Variants in TAF4B observed in about 807,000 individuals in gnomAD.
The protein encoded by TAF4B is transcription initiation factor TFIID subunit 4B.
TAF4B carries 38 observed loss-of-function variants against 86.4 expected under a neutral mutation model. The observed-to-expected ratio is 0.44, with a 90% CI of 0.34 to 0.58. The LOEUF (loss-of-function observed/expected upper bound fraction) is 0.58, where lower values mean the gene tolerates loss of function less well. TAF4B is among the 20% of genes least tolerant of loss of function. The probability of loss-of-function intolerance (pLI) is 0.02; values close to 1 mark genes in which losing one functional copy is unlikely to be tolerated. For missense variants in TAF4B, 988 were observed against 1,027.6 expected (o/e 0.96, Z 0.53); for synonymous variants, 388 against 391.2 (o/e 0.99, Z 0.10).
intron 14 of TAF4B, among the ~76,000 whole-genome samples, chr18:26,376,888 A>G (rs894920023): frequency 1.3e-5 from 2 of 152,050 alleles, no homozygotes; most frequent in Non-Finnish European, 2.9e-5. Flanking sequence ...TTATCATGAA[A>G]GAATGTTAGG....
intron 1 of TAF4B, among the ~76,000 whole-genome samples, chr18:26,255,496 G>C (rs1285939493): frequency 1.3e-5 from 2 of 151,212 alleles, no homozygotes; most frequent in Admixed American, 1.3e-4. Flanking sequence ...CCAGCTACTT[G>C]GGAGGCTGAG....
chr18:26,252,810 T>C (rs1213406295), intron 1 of TAF4B, among the ~76,000 whole-genome samples: 8 of 150,090 alleles, frequency 5.3e-5, no homozygotes, highest in African/African-American at 1.9e-4. Context: ...TTTATTATTT[T>C]ATTAGTTATT....
chr18:26,350,092 A>T (rs1181549980), intron 13 of TAF4B, among the ~76,000 whole-genome samples: 1 of 152,240 alleles, frequency 6.6e-6, no homozygotes, highest in Admixed American at 6.5e-5. Flanking sequence ...AAAACCTGAA[A>T]CTATAAAGCT....
At chr18:26,243,359 C>T (rs2055871092) in intron 1 of TAF4B, among the ~76,000 whole-genome samples, 1 of 152,154 alleles carries the variant, frequency 6.6e-6, no homozygotes, top group Non-Finnish European at 1.5e-5. Flanking sequence ...GATACCCTTT[C>T]TTCCAGTTGA....
At chr18:26,371,985 A>G (rs895842246) in intron 14 of TAF4B, among the ~76,000 whole-genome samples, 8 of 152,158 alleles carry the variant, frequency 5.3e-5, no homozygotes, top group East Asian at 1.9e-4. Context: ...CTGGGGCTCA[A>G]TGTATAGGAA....
intron 6 of TAF4B, among the ~76,000 whole-genome samples, chr18:26,285,210 C>CTTTCCTTTTTTT (rs2056496143): frequency 4.7e-5 from 2 of 42,516 alleles, no homozygotes; most frequent in African/African-American, 1.6e-4. Context: ...TCTTCCTTTC[C>CTTTCCTTTTTTT]TTTTTTTTTT....
At chr18:26,264,157 A>C (rs969750553) in intron 1 of TAF4B, among the ~76,000 whole-genome samples, 18 of 152,140 alleles carry the variant, frequency 1.2e-4, no homozygotes, top group African/African-American at 4.3e-4. Flanking sequence ...ATTATTTGTC[A>C]GCCGGGTGCA....
At chr18:26,251,178 G>T (rs1032859220) in intron 1 of TAF4B, among the ~76,000 whole-genome samples, 1 of 152,118 alleles carries the variant, frequency 6.6e-6, no homozygotes, top group Admixed American at 6.5e-5. Flanking sequence ...TGGGAGGCAC[G>T]TTTGGTTCCA....
intron 1 of TAF4B, among the ~76,000 whole-genome samples, chr18:26,238,404 G>A (rs56201555): frequency 0.014 from 2,204 of 152,110 alleles, 31 homozygotes; most frequent in Admixed American, 0.034. Flanking sequence ...TCCTAGCTTC[G>A]GGAATAGCCT....
intron 9 of TAF4B, among the ~76,000 whole-genome samples, chr18:26,300,453 G>A (rs2056718134): frequency 7.3e-6 from 1 of 136,780 alleles, no homozygotes; most frequent in East Asian, 2.2e-4. Flanking sequence ...GCACCCAACT[G>A]ATTATAGGGT....
chr18:26,229,614 C>T (rs944444589), intron 1 of TAF4B, among the ~76,000 whole-genome samples: 15 of 151,384 alleles, frequency 9.9e-5, no homozygotes, highest in African/African-American at 2.7e-4. Context: ...GCAATTCTCC[C>T]GTCTCAGCCT....
chr18:26,389,110 C>T (rs1474900911), intron 14 of TAF4B, among the ~76,000 whole-genome samples: 1 of 19,006 alleles, frequency 5.3e-5, no homozygotes, highest in Non-Finnish European at 3.5e-4. Context: ...CTGTGCCCAA[C>T]CAGAGCTTAC....
chr18:26,288,294 G>T (rs1044669303), intron 7 of TAF4B, among the ~76,000 whole-genome samples: 2 of 152,122 alleles, frequency 1.3e-5, no homozygotes, highest in Non-Finnish European at 2.9e-5. Context: ...TGATAAAAAG[G>T]TAGGGAGAAA....
intron 13 of TAF4B, among the ~76,000 whole-genome samples, chr18:26,344,697 C>T (rs1598814188): frequency 6.6e-6 from 1 of 152,182 alleles, no homozygotes; most frequent in Non-Finnish European, 1.5e-5. Flanking sequence ...GATTTGAGGA[C>T]TGACATTGGC....
intron 10 of TAF4B, among the ~76,000 whole-genome samples, chr18:26,316,149 G>A (rs1388169911): frequency 6.6e-6 from 1 of 152,046 alleles, no homozygotes; most frequent in Non-Finnish European, 1.5e-5. Flanking sequence ...CTTCACCTAT[G>A]TCAAATTTTT....
chr18:26,326,052 T>C (rs1005384044), intron 11 of TAF4B, among the ~76,000 whole-genome samples: 1 of 152,222 alleles, frequency 6.6e-6, no homozygotes, highest in South Asian at 2.1e-4. Context: ...GCACTGACTG[T>C]TGTTTAAAGA....
At chr18:26,317,844 C>A (rs569310392) in intron 10 of TAF4B, among the ~76,000 whole-genome samples, 1 of 152,268 alleles carries the variant, frequency 6.6e-6, no homozygotes, top group African/African-American at 2.4e-5. Flanking sequence ...ACTCCAAATA[C>A]CATCTCACTG....
intron 2 of TAF4B, chr18:26,267,126 T>C (rs1334382944): frequency 6.5e-6 from 1 of 154,698 alleles, no homozygotes. Flanking sequence ...CCTTTCTAGT[T>C]TGGTTTAACT....
At chr18:26,257,842 C>CGTGT (rs57275139) in intron 1 of TAF4B, among the ~76,000 whole-genome samples, 12,157 of 141,346 alleles carry the variant, frequency 0.086, 649 homozygotes, top group East Asian at 0.2. Context: ...CCTCTGCGTG[C>CGTGT]GTGTGTGTGT....
Sources: gnomAD v4.1 joint callset for allele counts (sites outside exome capture counted in the v4.1 genomes callset) on GRCh38, gnomAD v4.1.1 for gene constraint, MANE v1.5 for transcripts, NCBI Gene and HGNC (gene_info 2026-07-23, HGNC 2026-07-21) for gene names.